SEMA4D: variants seen among roughly 807,000 people sequenced by gnomAD.
The protein encoded by SEMA4D is semaphorin 4D.
In SEMA4D, 22 loss-of-function variants were observed where a neutral mutation model predicts 74.8. The ratio of observed to expected loss-of-function variants is 0.29; its 90% CI spans 0.21 to 0.42. The LOEUF (loss-of-function observed/expected upper bound fraction) is 0.42, where lower values mean the gene tolerates loss of function less well. Ranked by LOEUF, SEMA4D falls within the 10% of genes least tolerant of loss-of-function variation. The pLI, the probability that SEMA4D is intolerant of heterozygous loss-of-function variation, is 1.00. For missense variants in SEMA4D, 937 were observed against 1,118.4 expected, an observed-to-expected ratio of 0.84 and a Z score of 2.31; for synonymous variants, 445 against 463.7, an observed-to-expected ratio of 0.96 and a Z score of 0.52.
At chr9:89,442,389 C>T (rs1851866869) in intron 2 of SEMA4D, among the ~76,000 whole-genome samples, 1 of 152,150 alleles carries the variant, frequency 6.6e-6, no homozygotes, top group Non-Finnish European at 1.5e-5. Flanking sequence ...TTAAACATGG[C>T]AGCTTTGCAG....
intron 2 of SEMA4D, among the ~76,000 whole-genome samples, chr9:89,407,811 G>A (rs917929178): frequency 3.3e-5 from 5 of 152,326 alleles, no homozygotes; most frequent in Admixed American, 6.5e-5. Flanking sequence ...GCTGTGTAAC[G>A]GCTGTCTCTC....
Position 89,378,443 on chromosome 9 carries a change from T to C in SEMA4D, c.*261A>G. On this transcript the variant is annotated 3_prime_UTR_variant, in exon 16 of 16. Coordinates refer to ENST00000422704, the MANE Select transcript of SEMA4D (RefSeq NM_001371194.2). ...GGGCTCAGGAACTCCGTGCCGCCCG[T>C]GGGCCTTCTTCAAGTACTCCGACTG... 2.3e-6 allele frequency: 1 copy of C among 442,338 alleles called. No individual in the cohort carries two copies. Among genetic ancestry groups the C allele is most frequent in the South Asian group, 3.0e-5 (1 of 33,358 alleles). 27.4% of individuals were successfully genotyped at this position (442,338 alleles called of 1,614,324 possible). A position where few individuals can be genotyped will look rare whatever the true frequency, so the allele number is the denominator to read the frequency against.
intron 2 of SEMA4D, among the ~76,000 whole-genome samples, chr9:89,453,811 A>G (rs1409363758): frequency 6.6e-6 from 1 of 152,134 alleles, no homozygotes; most frequent in African/African-American, 2.4e-5. Flanking sequence ...AAGTCCCTTA[A>G]AAGTTATTTT....
At chr9:89,377,095 A>C, downstream of SEMA4D, 1 of 1,499,178 alleles carries the variant, frequency 6.7e-7, no homozygotes. Flanking sequence ...CTGAGGAAGA[A>C]GTCGCCAGGA....
rs553991236 is a variant in SEMA4D at position 89,395,882 on chromosome 9, G to T, written c.414+855C>A. Among the ~76,000 whole-genome samples the T allele has an allele frequency of 1.5e-4, 23 of 152,306 alleles. No individual in the cohort carries two copies. In the South Asian group the frequency reaches 3.9e-3, roughly 26 times the overall value. On this transcript the variant is annotated intron_variant, in intron 6 of 15. Transcript: ENST00000422704. ...TTAATTTAGGGTTCTAGCAAATGATGCTTTTCACTGTGGCATATTTTACAT... is the reference window on the plus strand; with the variant it reads ...TTAATTTAGGGTTCTAGCAAATGATTCTTTTCACTGTGGCATATTTTACAT...
At chr9:89,396,909 G>A (rs977362797) in intron 5 of SEMA4D, 74 bp from the exon 6 acceptor site, 18 of 1,353,066 alleles carry the variant, frequency 1.3e-5, no homozygotes, top group African/African-American at 2.9e-5. Context: ...TGCTCACGCC[G>A]TTCATCTCAG....
chr9:89,481,865 C>T (rs1324246802), intron 1 of SEMA4D, among the ~76,000 whole-genome samples: 1 of 152,254 alleles, frequency 6.6e-6, no homozygotes, highest in Non-Finnish European at 1.5e-5. Flanking sequence ...TGTGAAGATT[C>T]AAGGGCCGCA....
chr9:89,371,311 G>GGT (rs1187595643), intron 16 of SEMA4D, among the ~76,000 whole-genome samples: 3 of 139,892 alleles, frequency 2.1e-5, no homozygotes, highest in Admixed American at 7.0e-5. Context: ...TCTGGGGTGT[G>GGT]GTGTGTGTGG....
chr9:89,441,780 C>G (rs538656529), intron 2 of SEMA4D, among the ~76,000 whole-genome samples: 1 of 152,248 alleles, frequency 6.6e-6, no homozygotes, highest in African/African-American at 2.4e-5. Context: ...TGGGCCCTAA[C>G]CCCCCTCCCA....
At chr9:89,392,284 T>C in intron 8 of SEMA4D, 139 bp downstream of exon 8, 1 of 616,900 alleles carries the variant, frequency 1.6e-6, no homozygotes, top group Non-Finnish European at 2.9e-6. Flanking sequence ...GCTGGACAGT[T>C]TGGGAAGTAT....
chr9:89,413,670 C>T (rs1210768463), intron 2 of SEMA4D, among the ~76,000 whole-genome samples: 2 of 152,174 alleles, frequency 1.3e-5, no homozygotes, highest in Non-Finnish European at 2.9e-5. Context: ...TGTGCATCTG[C>T]TTGGATCTCT....
rs938627855 is a variant in SEMA4D, at chr9:89,484,448, G to A, written c.-310+13471C>T. On this transcript the variant is annotated intron_variant, in intron 1 of 15. Transcript: ENST00000422704. This position sits in a 1 kb window ranked among gnomAD's most constrained non-coding sequence, Gnocchi z 4.1. ...GGTGTGTATGTGTACAGTGTGTGTT[G>A]TGTGTGTTTTGTGTGTGTGTGTGGC... Among the ~76,000 whole-genome samples, 5 of 151,704 alleles carry A rather than the reference G, an allele frequency of 3.3e-5. No individual in the cohort carries two copies. Among genetic ancestry groups the A allele is most frequent in the African/African-American group, 1.2e-4 (5 of 41,270 alleles).
downstream of SEMA4D, among the ~76,000 whole-genome samples, chr9:89,372,644 G>A (rs1361593699): frequency 1.3e-5 from 2 of 152,002 alleles, no homozygotes; most frequent in East Asian, 1.9e-4. Flanking sequence ...TCCAGGCCCT[G>A]CCGATGCACT....
At chr9:89,375,759 T>G (rs115495945), downstream of SEMA4D, among the ~76,000 whole-genome samples, 781 of 152,366 alleles carry the variant, frequency 5.1e-3, 17 homozygotes, top group African/African-American at 0.018. Context: ...TCTGGACATC[T>G]ACTATCTTTC....
chr9:89,466,929 C>T (rs1858879630), intron 1 of SEMA4D, among the ~76,000 whole-genome samples: 1 of 152,322 alleles, frequency 6.6e-6, no homozygotes, highest in South Asian at 2.1e-4. Flanking sequence ...CCACCAGCTC[C>T]AGAATGCAAG....
At chr9:89,453,801 A>G (rs1480913963) in intron 2 of SEMA4D, among the ~76,000 whole-genome samples, 1 of 152,142 alleles carries the variant, frequency 6.6e-6, no homozygotes, top group Non-Finnish European at 1.5e-5. Flanking sequence ...ACGCTGGGAA[A>G]AGTCCCTTAA....
chr9:89,399,658 A>AT (rs1841745581), intron 4 of SEMA4D, among the ~76,000 whole-genome samples: 1 of 152,178 alleles, frequency 6.6e-6, no homozygotes, highest in Non-Finnish European at 1.5e-5. Flanking sequence ...AACCTAAACC[A>AT]TAAGTATTTT....
At chr9:89,411,510 GA>G (rs1326347784) in intron 2 of SEMA4D, among the ~76,000 whole-genome samples, 1 of 152,216 alleles carries the variant, frequency 6.6e-6, no homozygotes, top group East Asian at 1.9e-4. Context: ...CCAAAATAGT[GA>G]AAATAGTTGA....
downstream of SEMA4D, among the ~76,000 whole-genome samples, chr9:89,375,831 G>T (rs1478698805): frequency 6.6e-6 from 1 of 152,218 alleles, no homozygotes; most frequent in Non-Finnish European, 1.5e-5. Context: ...GGTCCCAGAG[G>T]AGTACACTAG....
Sources: allele counts gnomAD v4.1 joint callset (sites outside exome capture counted in the v4.1 genomes callset), GRCh38; gene constraint gnomAD v4.1.1; non-coding constraint Gnocchi (gnomAD v3.1); transcripts MANE v1.5; gene names NCBI Gene and HGNC (gene_info 2026-07-23, HGNC 2026-07-21).